Variants in RNPC3 observed in about 807,000 individuals in gnomAD.
RNPC3 encodes RNA-binding region-containing protein 3.
A neutral mutation model predicts 67.5 loss-of-function variants in RNPC3; 48 were observed. The observed-to-expected ratio is 0.71, with a 90% CI of 0.56 to 0.90. RNPC3 has a LOEUF of 0.90. RNPC3 is among the 40% of genes least tolerant of loss of function. The pLI is 0.00. For synonymous variants in RNPC3, 239 were observed against 210.3 expected (o/e 1.14, Z -1.18); for missense variants, 637 against 626.1 (o/e 1.02, Z -0.19).
At position 103,525,964 on chromosome 1, in the gene RNPC3, G is replaced by A. The variant is rs1156923541; in HGVS notation, c.-107G>A. The A allele has an allele frequency of 4.0e-5, 36 of 904,388 alleles. No individual in the cohort carries two copies. The highest frequency in any genetic ancestry group is 5.7e-5 in the Non-Finnish European group (35 of 617,326). 56.0% of individuals were successfully genotyped at this position (904,388 alleles called of 1,614,324 possible). A position where few individuals can be genotyped will look rare whatever the true frequency, so the allele number is the denominator to read the frequency against. ...CTTTCTCGGTATTTCCTGGTTTCCA[G>A]AATCCTTAGCGCGAGGCGGAAAAAA... On this transcript the variant is annotated 5_prime_UTR_variant, in exon 1 of 15. Transcript: ENST00000423855.
intron 7 of RNPC3, among the ~76,000 whole-genome samples, chr1:103,540,326 T>G (rs1429890045): frequency 2.0e-5 from 3 of 152,218 alleles, no homozygotes; most frequent in African/African-American, 7.2e-5. Flanking sequence ...CCCCAAGAGA[T>G]CTCACGTATA....
Position 103,550,185 on chromosome 1 carries a change from A to C in RNPC3, c.1362-756A>C, listed in dbSNP as rs77947722. On this transcript the variant is annotated intron_variant, in intron 12 of 14. Coordinates refer to ENST00000423855, the MANE Select transcript of RNPC3 (RefSeq NM_017619.4). ...TCTCAAAAATAATAATAATCATAAT[A>C]ATAATAATATAATGAATTCTATAAT... 9.6e-4 allele frequency among the ~76,000 whole-genome samples: 146 copies of C among 151,990 alleles called. 1 individual carries two copies. In the East Asian group the frequency reaches 0.023, roughly 24 times the overall value.
At chr1:103,548,950 G>A (rs980273702) in intron 12 of RNPC3, among the ~76,000 whole-genome samples, 6 of 152,120 alleles carry the variant, frequency 3.9e-5, no homozygotes, top group Non-Finnish European at 5.9e-5. Context: ...GAGAGAGCTC[G>A]TGCGGGCAAA....
intron 1 of RNPC3, 63 bp downstream of exon 1, chr1:103,526,325 G>A: frequency 1.4e-6 from 2 of 1,384,212 alleles, no homozygotes; most frequent in Non-Finnish European, 1.9e-6. Context: ...GGGAGGGGGA[G>A]CGCTGACAAG....
chr1:103,540,438 A>T (rs1375817226), intron 7 of RNPC3, among the ~76,000 whole-genome samples: 1 of 152,234 alleles, frequency 6.6e-6, no homozygotes, highest in African/African-American at 2.4e-5. Flanking sequence ...TACTGAATAT[A>T]TGCCTAGCAC....
At chr1:103,539,143 C>A (rs919623825) in intron 7 of RNPC3, among the ~76,000 whole-genome samples, 5 of 152,122 alleles carry the variant, frequency 3.3e-5, no homozygotes, top group Non-Finnish European at 7.4e-5. Flanking sequence ...AGTTTGTCAA[C>A]CCCTGTCTGC....
At chr1:103,533,474 G>A (rs933329323) in intron 2 of RNPC3, among the ~76,000 whole-genome samples, 3 of 151,952 alleles carry the variant, frequency 2.0e-5, no homozygotes, top group Admixed American at 1.3e-4. Context: ...TTGTTAGTTT[G>A]TTTTCTAGCC....
chr1:103,551,428 A>G (rs1651384222), intron 13 of RNPC3, among the ~76,000 whole-genome samples: 1 of 152,228 alleles, frequency 6.6e-6, no homozygotes, highest in Non-Finnish European at 1.5e-5. Context: ...CTACATGAGA[A>G]TTTTAATAAC....
chr1:103,549,776 G>A (rs905658311), intron 12 of RNPC3, among the ~76,000 whole-genome samples: 2 of 152,150 alleles, frequency 1.3e-5, no homozygotes, highest in Admixed American at 6.5e-5. Flanking sequence ...GTCACTCACT[G>A]TCTCTGGACA....
intron 13 of RNPC3, among the ~76,000 whole-genome samples, 184 bp from the exon 14 acceptor site, chr1:103,551,536 TA>T (rs1651387153): frequency 6.6e-6 from 1 of 152,062 alleles, no homozygotes; most frequent in Admixed American, 6.6e-5. Flanking sequence ...GGCCCAGGTA[TA>T]AAAAATAATG....
chr1:103,528,312 C>T (rs1487873494), intron 2 of RNPC3, among the ~76,000 whole-genome samples: 4 of 152,068 alleles, frequency 2.6e-5, no homozygotes, highest in Non-Finnish European at 5.9e-5. Context: ...TGAGCTGGCT[C>T]ATAATATGAT....
chr1:103,537,947 G>A (rs925172945), intron 7 of RNPC3, among the ~76,000 whole-genome samples: 1 of 151,988 alleles, frequency 6.6e-6, no homozygotes, highest in Non-Finnish European at 1.5e-5. Context: ...AGGTTCAAGC[G>A]ATTTTCCTGC....
chr1:103,549,094 C>A (rs1651318081), intron 12 of RNPC3, among the ~76,000 whole-genome samples: 4 of 152,120 alleles, frequency 2.6e-5, no homozygotes, highest in African/African-American at 7.2e-5. Flanking sequence ...GTAGGAGTTA[C>A]AATTCAAATG....
chr1:103,550,987 T>A lies in RNPC3; in HGVS notation c.1408T>A (p.Phe470Ile). The change falls in exon 13 of 15, where the codon TTC (phenylalanine) becomes ATC (isoleucine). Residue 470 changes from phenylalanine (F) to isoleucine (I), a missense_variant. Coordinates refer to ENST00000423855, the MANE Select transcript of RNPC3 (RefSeq NM_017619.4). ...AGAAGGTCGTATGAAAGGACAAGCTTTCATTGGACTTCCTAATGAAAAAGC... is the reference window on the plus strand; with the variant it reads ...AGAAGGTCGTATGAAAGGACAAGCTATCATTGGACTTCCTAATGAAAAAGC... ...MKEGRMKGQA[F>I]IGLPNEKAAA... 1 of 1,611,876 alleles carries A rather than the reference T, an allele frequency of 6.2e-7. No homozygotes were observed.
chr1:103,554,378 T>G (rs1297910047), intron 14 of RNPC3: 2 of 152,188 alleles, frequency 1.3e-5, no homozygotes, highest in African/African-American at 4.8e-5. Context: ...TTAAGAAATA[T>G]ATTGATGCTT....
intron 8 of RNPC3, among the ~76,000 whole-genome samples, chr1:103,541,708 A>T (rs1047650662): frequency 6.6e-6 from 1 of 152,106 alleles, no homozygotes; most frequent in African/African-American, 2.4e-5. Context: ...GCAGACTCAG[A>T]ATATCTTATA....
intron 7 of RNPC3, 46 bp downstream of exon 7, chr1:103,537,530 G>T: frequency 6.8e-7 from 1 of 1,462,946 alleles, no homozygotes; most frequent in Non-Finnish European, 9.2e-7. Context: ...AACATAGAAT[G>T]TAAGAAAGAG....
rs1024607744 is a variant in RNPC3 at position 103,534,765 on chromosome 1, A to G, written c.360-9A>G. The G allele has an allele frequency of 6.1e-6, 9 of 1,487,184 alleles. No individual in the cohort carries two copies. Among genetic ancestry groups the G allele is most frequent in the African/African-American group, 5.7e-5 (4 of 70,726 alleles). 92.1% of individuals were successfully genotyped at this position (1,487,184 alleles called of 1,614,324 possible). On this transcript the variant is annotated splice_polypyrimidine_tract_variant and intron_variant, in intron 3 of 14. Coordinates refer to ENST00000423855, the MANE Select transcript of RNPC3 (RefSeq NM_017619.4). ...AAGATAAGATTAACTTTGATTCTGT[A>G]TGTCCCAGGTCTGATGACCCTGTCG... is the stretch of plus-strand genomic sequence containing the variant.
At chr1:103,532,868 A>C (rs1650893017) in intron 2 of RNPC3, among the ~76,000 whole-genome samples, 1 of 152,094 alleles carries the variant, frequency 6.6e-6, no homozygotes, top group Non-Finnish European at 1.5e-5. Context: ...AACCTGATTG[A>C]AATAGGTTTG....
Sources: allele counts gnomAD v4.1 joint callset (sites outside exome capture counted in the v4.1 genomes callset), GRCh38; gene constraint gnomAD v4.1.1; transcripts MANE v1.5; gene names NCBI Gene and HGNC (gene_info 2026-07-23, HGNC 2026-07-21).